Variants in WWOX observed in about 807,000 individuals in gnomAD.
The protein encoded by WWOX is WW domain-containing oxidoreductase.
A neutral mutation model predicts 46.2 loss-of-function variants in WWOX; 69 were observed. The observed-to-expected ratio is 1.49, with a 90% CI of 1.23 to 1.82. The LOEUF (loss-of-function observed/expected upper bound fraction) is 1.82, where lower values mean the gene tolerates loss of function less well. Ranked by LOEUF, WWOX falls within the 40% of genes most tolerant of loss-of-function variation. The pLI is 0.00. For synonymous variants in WWOX, 359 were observed against 202.6 expected (o/e 1.77, Z -6.56); for missense variants, 919 against 542.6 (o/e 1.69, Z -6.89).
chr16:78,469,887 G>A (rs559983485), intron 8 of WWOX, among the ~76,000 whole-genome samples: 56 of 152,296 alleles, frequency 3.7e-4, no homozygotes, highest in Non-Finnish European at 1.5e-4. Flanking sequence ...CTGTAACCTG[G>A]GATTAGATAG....
At chr16:78,481,234 T>G (rs16947662) in intron 8 of WWOX, among the ~76,000 whole-genome samples, 5,231 of 152,298 alleles carry the variant, frequency 0.034, 164 homozygotes, top group African/African-American at 0.083. Context: ...TTTTTCTAAC[T>G]GATGAAAGCG....
chr16:78,215,810 C>T (rs559842849), intron 5 of WWOX, among the ~76,000 whole-genome samples: 2 of 151,866 alleles, frequency 1.3e-5, no homozygotes, highest in Non-Finnish European at 2.9e-5. Flanking sequence ...CCTGTAATCC[C>T]AGCTATTTGG....
At chr16:79,160,445 CAG>C (rs2050462965) in intron 8 of WWOX, among the ~76,000 whole-genome samples, 1 of 152,086 alleles carries the variant, frequency 6.6e-6, no homozygotes, top group Non-Finnish European at 1.5e-5. Context: ...ATCTGTAAAA[CAG>C]AGATCAGATG....
chr16:78,621,813 GC>G (rs2046196746), intron 8 of WWOX, among the ~76,000 whole-genome samples: 1 of 151,726 alleles, frequency 6.6e-6, no homozygotes, highest in Non-Finnish European at 1.5e-5. Flanking sequence ...CACCATGTTA[GC>G]CAGGATGGTC....
intron 8 of WWOX, among the ~76,000 whole-genome samples, chr16:79,169,470 T>C (rs915665627): frequency 1.3e-5 from 2 of 152,206 alleles, no homozygotes; most frequent in African/African-American, 4.8e-5. Context: ...CTTGGAATTC[T>C]TAAAAGCTGG....
intron 8 of WWOX, among the ~76,000 whole-genome samples, chr16:79,035,118 A>C (rs4888009): frequency 0.45 from 67,893 of 152,058 alleles, 16,179 homozygotes; most frequent in East Asian, 0.65. Context: ...TTTTCAAGAA[A>C]AAATAAATAT....
At chr16:78,445,640 C>G (rs1432626557) in intron 8 of WWOX, among the ~76,000 whole-genome samples, 1 of 152,174 alleles carries the variant, frequency 6.6e-6, no homozygotes, top group Non-Finnish European at 1.5e-5. Flanking sequence ...GGTTTACAGG[C>G]TGAGGTGGGC....
chr16:78,138,530 A>C (rs950689943), intron 4 of WWOX, among the ~76,000 whole-genome samples: 2 of 152,212 alleles, frequency 1.3e-5, no homozygotes, highest in Non-Finnish European at 2.9e-5. Flanking sequence ...AATAGGGAAA[A>C]TTAAAGAATA....
At chr16:78,957,820 C>A (rs763984220) in intron 8 of WWOX, among the ~76,000 whole-genome samples, 3 of 152,204 alleles carry the variant, frequency 2.0e-5, no homozygotes, top group Non-Finnish European at 4.4e-5. Flanking sequence ...TGTCCCTGCG[C>A]TGGTGCGGCT....
At position 78,889,368 on chromosome 16, in the gene WWOX, T is replaced by C. The variant is rs1245727106; in HGVS notation, c.1057-322240T>C. 6.2e-5 allele frequency among the ~76,000 whole-genome samples: 7 copies of C among 113,408 alleles called. No homozygotes were observed. In the Admixed American group the frequency reaches 9.0e-4, roughly 15 times the overall value. 74.4% of individuals were successfully genotyped at this position (113,408 alleles called of 152,430 possible). On this transcript the variant is annotated intron_variant, in intron 8 of 8. Coordinates refer to ENST00000566780, the MANE Select transcript of WWOX (RefSeq NM_016373.4). ...CTCCCCCACCCCCCGCCCCGATTTA[T>C]ACTATGGATCAGCAGCCTAAACCCT...
chr16:78,282,150 A>C (rs1295405947), intron 5 of WWOX, among the ~76,000 whole-genome samples: 1 of 152,178 alleles, frequency 6.6e-6, no homozygotes, highest in South Asian at 2.1e-4. Flanking sequence ...GCTGGAGATA[A>C]TTCTCTGCTT....
At chr16:78,755,104 G>A (rs2049608109) in intron 8 of WWOX, among the ~76,000 whole-genome samples, 1 of 151,348 alleles carries the variant, frequency 6.6e-6, no homozygotes, top group East Asian at 1.9e-4. Flanking sequence ...TGCATGCGGG[G>A]CTTAAAACCT....
intron 8 of WWOX, among the ~76,000 whole-genome samples, chr16:78,483,587 T>C (rs2084551507): frequency 6.6e-6 from 1 of 152,086 alleles, no homozygotes; most frequent in Non-Finnish European, 1.5e-5. Flanking sequence ...GGAAAATCAA[T>C]AGGGATTAAC....
chr16:78,624,848 A>G (rs1006656819), intron 8 of WWOX, among the ~76,000 whole-genome samples: 15 of 152,206 alleles, frequency 9.9e-5, no homozygotes, highest in Non-Finnish European at 1.8e-4. Flanking sequence ...AGGAGCAGAT[A>G]TCGTATGAAC....
chr16:78,887,518 C>CACACACACACACACAT (rs1199309440), intron 8 of WWOX, among the ~76,000 whole-genome samples: 20 of 147,456 alleles, frequency 1.4e-4, no homozygotes, highest in African/African-American at 4.8e-4. Flanking sequence ...CACACACACA[C>CACACACACACACACAT]AAGAAATGAC....
intron 8 of WWOX, among the ~76,000 whole-genome samples, chr16:78,766,081 G>C (rs962982563): frequency 6.6e-6 from 1 of 152,212 alleles, no homozygotes; most frequent in Non-Finnish European, 1.5e-5. Context: ...GAGTGGGACG[G>C]GGTGAATGAT....
intron 8 of WWOX, among the ~76,000 whole-genome samples, chr16:78,545,776 C>G (rs1472936415): frequency 6.6e-6 from 1 of 152,160 alleles, no homozygotes; most frequent in Non-Finnish European, 1.5e-5. Context: ...CAGGGTCTCT[C>G]TGAGGCCTCT....
At position 79,211,886 on chromosome 16, in the gene WWOX, C is replaced by G. The variant is rs1057262090; in HGVS notation, c.*90C>G. 3 of 1,580,214 alleles carry G rather than the reference C, an allele frequency of 1.9e-6. No individual in the cohort carries two copies. Among genetic ancestry groups the G allele is most frequent in the Admixed American group, 1.8e-5 (1 of 54,560 alleles). The stretch of plus-strand genomic sequence containing the variant: ...GGCTGGGCCCCTTCCAAATGTCCCT[C>G]CAACACAGATCCGCAAGAGTAAAGG... On this transcript the variant is annotated 3_prime_UTR_variant, in exon 9 of 9. Transcript: ENST00000566780.
At chr16:79,181,438 A>G (rs368491554) in intron 8 of WWOX, among the ~76,000 whole-genome samples, 9 of 152,228 alleles carry the variant, frequency 5.9e-5, no homozygotes, top group Admixed American at 3.3e-4. Flanking sequence ...GCTGGTTTTA[A>G]TTTTGTAGGA....
Sources: allele counts gnomAD v4.1 joint callset (sites outside exome capture counted in the v4.1 genomes callset), GRCh38; gene constraint gnomAD v4.1.1; transcripts MANE v1.5; gene names NCBI Gene and HGNC (gene_info 2026-07-23, HGNC 2026-07-21).